The following OTUD7A variants were observed in gnomAD, a reference collection of about 807,000 sequenced individuals.
OTUD7A encodes the protein OTU domain-containing protein 7A.
OTUD7A carries 12 observed loss-of-function variants against 65.7 expected under a neutral mutation model. The observed-to-expected ratio is 0.18, with a 90% CI of 0.12 to 0.30. The LOEUF (loss-of-function observed/expected upper bound fraction) is 0.30. Ranked by LOEUF, OTUD7A falls within the 10% of genes least tolerant of loss-of-function variation. The pLI is 1.00. For synonymous variants in OTUD7A, 641 were observed against 586.3 expected (o/e 1.09, Z -1.35); for missense variants, 1,148 against 1,304.8 (o/e 0.88, Z 1.85).
chr15:31,826,194 AGAAGTTCTCCAT>A (rs1320125107), intron 1 of OTUD7A, among the ~76,000 whole-genome samples: 2 of 152,248 alleles, frequency 1.3e-5, no homozygotes, highest in Non-Finnish European at 2.9e-5. Context: ...CTGCCCTAGC[AGAAGTTCTCCAT>A]GACAGCCCTG....
At chr15:31,838,176 T>C (rs945832403) in intron 1 of OTUD7A, among the ~76,000 whole-genome samples, 4 of 152,202 alleles carry the variant, frequency 2.6e-5, no homozygotes, top group African/African-American at 9.6e-5. Flanking sequence ...TTAGAAGAAA[T>C]TGTAGGAGAA....
intron 1 of OTUD7A, among the ~76,000 whole-genome samples, chr15:31,679,278 G>A (rs1233465980): frequency 2.6e-5 from 4 of 152,150 alleles, no homozygotes; most frequent in East Asian, 3.9e-4. Flanking sequence ...ATGAAATTTT[G>A]GACTTGGACT....
intron 1 of OTUD7A, among the ~76,000 whole-genome samples, chr15:31,772,636 C>T (rs1448121764): frequency 1.3e-5 from 2 of 152,152 alleles, no homozygotes; most frequent in African/African-American, 2.4e-5. Context: ...CATTTGAAAG[C>T]CCCCCAGCTG....
chr15:31,753,763 C>A (rs2140895260), intron 1 of OTUD7A, among the ~76,000 whole-genome samples: 1 of 132,808 alleles, frequency 7.5e-6, no homozygotes, highest in East Asian at 2.6e-4. Context: ...TTATCCATTC[C>A]TTGATTGATA....
At chr15:31,741,558 G>A (rs1894345300) in intron 1 of OTUD7A, among the ~76,000 whole-genome samples, 1 of 151,970 alleles carries the variant, frequency 6.6e-6, no homozygotes, top group African/African-American at 2.4e-5. Context: ...AATACAATCT[G>A]CATGAAAAAT....
At position 31,849,483 on chromosome 15, in the gene OTUD7A, A is replaced by G. The variant is rs566076759; in HGVS notation, c.-100+21024T>C. ...AAACCTAGGCAATACCATTCAGGAC[A>G]TAGGCATGGGCAAGGACTTCATGAC... On this transcript the variant is annotated intron_variant, in intron 1 of 12. Transcript: ENST00000307050. Among the ~76,000 whole-genome samples, 1,033 of 152,344 alleles carry G rather than the reference A, an allele frequency of 6.8e-3. 15 individuals carry two copies. The highest frequency in any genetic ancestry group is 0.024 in the African/African-American group (997 of 41,572).
At chr15:31,813,881 G>A (rs891926430) in intron 1 of OTUD7A, among the ~76,000 whole-genome samples, 1 of 147,558 alleles carries the variant, frequency 6.8e-6, no homozygotes, top group African/African-American at 2.7e-5. Context: ...CTCTACTTAC[G>A]TTCACCTGAG....
chr15:31,595,879 T>C (rs1889889587), intron 3 of OTUD7A, among the ~76,000 whole-genome samples: 2 of 152,236 alleles, frequency 1.3e-5, no homozygotes, highest in Non-Finnish European at 2.9e-5. Context: ...AGACACCACC[T>C]ATGTTCCTTG....
chr15:31,819,383 C>A (rs555902006), intron 1 of OTUD7A, among the ~76,000 whole-genome samples: 4 of 152,224 alleles, frequency 2.6e-5, no homozygotes, highest in African/African-American at 9.6e-5. Flanking sequence ...ATGCTTTCTG[C>A]AACTCTTCTG....
chr15:31,570,103 C>T lies in OTUD7A; in HGVS notation c.246G>A (p.Arg82=). 6.2e-7 allele frequency: 1 copy of T among 1,614,208 alleles called. No individual in the cohort carries two copies. The highest frequency in any genetic ancestry group is 1.1e-5 in the South Asian group (1 of 91,082). The part of the protein sequence containing the change: ...ANLPHVFNEG[R]GPKQPEREPQ... ...GCTCTCGCTCTGGCTGCTTGGGACC[C>T]CGCCCTTCATTGAACACATGTGGCA... The change falls in exon 4 of 13, where the codon CGG becomes CGA. Residue 82 remains arginine, a synonymous_variant. Transcript: ENST00000307050.
At chr15:31,727,978 T>C (rs1413198391) in intron 1 of OTUD7A, among the ~76,000 whole-genome samples, 1 of 152,164 alleles carries the variant, frequency 6.6e-6, no homozygotes, top group African/African-American at 2.4e-5. Flanking sequence ...TCTTTAAATA[T>C]CACCCAAACG....
chr15:31,621,316 T>C (rs1308760596), intron 3 of OTUD7A, among the ~76,000 whole-genome samples: 1 of 152,216 alleles, frequency 6.6e-6, no homozygotes, highest in Non-Finnish European at 1.5e-5. Flanking sequence ...AATTCCTGGA[T>C]ATCCTAGTTA....
intron 3 of OTUD7A, among the ~76,000 whole-genome samples, chr15:31,580,361 G>C (rs1889335833): frequency 6.6e-6 from 1 of 152,184 alleles, no homozygotes; most frequent in Non-Finnish European, 1.5e-5. Flanking sequence ...GAGTCACTGA[G>C]GCATTTTCAA....
At chr15:31,626,905 T>C (rs1240487654) in intron 3 of OTUD7A, among the ~76,000 whole-genome samples, 1 of 141,536 alleles carries the variant, frequency 7.1e-6, no homozygotes, top group Admixed American at 7.1e-5. Flanking sequence ...TTTTGTTTTT[T>C]TGTTTTTATG....
intron 3 of OTUD7A, among the ~76,000 whole-genome samples, chr15:31,619,281 C>G (rs1293296984): frequency 6.6e-6 from 1 of 152,016 alleles, no homozygotes; most frequent in Non-Finnish European, 1.5e-5. Flanking sequence ...TCCATATCAA[C>G]TTTAAAGTAG....
chr15:31,787,165 A>G (rs926345420), intron 1 of OTUD7A, among the ~76,000 whole-genome samples: 3 of 152,158 alleles, frequency 2.0e-5, no homozygotes, highest in Non-Finnish European at 4.4e-5. Context: ...AATGCTAGAC[A>G]CTGTTTTTCT....
At chr15:31,767,725 T>A (rs1895127028) in intron 1 of OTUD7A, 1 of 712,232 alleles carries the variant, frequency 1.4e-6, no homozygotes, top group Non-Finnish European at 2.6e-6. Context: ...CATGTTTTAT[T>A]TTCTCGGCAT....
At chr15:31,859,428 C>T (rs1340214752) in intron 1 of OTUD7A, among the ~76,000 whole-genome samples, 1 of 152,186 alleles carries the variant, frequency 6.6e-6, no homozygotes, top group Non-Finnish European at 1.5e-5. Flanking sequence ...ATCTCATGAA[C>T]ATAAACATTT....
intron 3 of OTUD7A, among the ~76,000 whole-genome samples, chr15:31,642,190 C>G (rs1336636972): frequency 6.6e-6 from 1 of 152,186 alleles, no homozygotes; most frequent in Admixed American, 6.5e-5. Flanking sequence ...TTCTGTTTCT[C>G]AGTATGTTAA....
Sources: gnomAD v4.1 joint callset for allele counts (sites outside exome capture counted in the v4.1 genomes callset) on GRCh38, gnomAD v4.1.1 for gene constraint, MANE v1.5 for transcripts, NCBI Gene and HGNC (gene_info 2026-07-23, HGNC 2026-07-21) for gene names.